Variants in FAM193A observed in about 807,000 individuals in gnomAD.
The protein encoded by FAM193A is family with sequence similarity 193 member A.
Under a neutral mutation model 126.5 loss-of-function variants are expected in FAM193A, and 22 were observed. The ratio of observed to expected loss-of-function variants is 0.17; its 90% CI spans 0.12 to 0.25. The LOEUF (loss-of-function observed/expected upper bound fraction) is 0.25. FAM193A is among the 10% of genes least tolerant of loss of function. The pLI, the probability that FAM193A is intolerant of heterozygous loss-of-function variation, is 1.00. For missense variants in FAM193A, 1,675 were observed against 1,672.8 expected, an observed-to-expected ratio of 1.00 and a Z score of -0.02; for synonymous variants, 761 against 646.8, an observed-to-expected ratio of 1.18 and a Z score of -2.68.
intron 4 of FAM193A, among the ~76,000 whole-genome samples, chr4:2,629,447 G>A (rs1402609798): frequency 6.6e-6 from 1 of 151,404 alleles, no homozygotes; most frequent in East Asian, 1.9e-4. Flanking sequence ...ACCATAATAG[G>A]AATCCCATCC....
At chr4:2,596,393 C>A in intron 2 of FAM193A, 64 bp downstream of exon 2, 1 of 669,606 alleles carries the variant, frequency 1.5e-6, no homozygotes, top group Non-Finnish European at 2.7e-6. Context: ...TATGGGGTAA[C>A]TGGCAGTGAA....
At chr4:2,690,664 T>A (rs377667642) in intron 14 of FAM193A, 34 bp from the exon 15 acceptor site, 5 of 1,584,260 alleles carry the variant, frequency 3.2e-6, no homozygotes, top group Non-Finnish European at 4.3e-6. Context: ...ATGATTGCTG[T>A]CAGAAGCCTT....
chr4:2,720,250 C>G (rs1719981794), intron 20 of FAM193A, among the ~76,000 whole-genome samples: 1 of 152,068 alleles, frequency 6.6e-6, no homozygotes. Context: ...AAAAGAGGAA[C>G]TAAAAATCAA....
intron 2 of FAM193A, among the ~76,000 whole-genome samples, chr4:2,621,299 G>C (rs900938766): frequency 6.6e-6 from 1 of 152,274 alleles, no homozygotes; most frequent in African/African-American, 2.4e-5. Context: ...GGCGAAGAAG[G>C]GTGGATTTGG....
rs1721287961 is a variant in FAM193A, at chr4:2,730,762, A to G, written c.4455-1013A>G. 2.0e-5 allele frequency among the ~76,000 whole-genome samples: 3 copies of G among 151,540 alleles called. No homozygotes were observed. In the South Asian group the frequency reaches 6.2e-4, roughly 32 times the overall value. ...ACAAAAATTAGCTGGGTGTTGTGGTATGCACCTGTAGTCCTAACTATTTGG... is the reference window on the plus strand; with the variant it reads ...ACAAAAATTAGCTGGGTGTTGTGGTGTGCACCTGTAGTCCTAACTATTTGG... On this transcript the variant is annotated intron_variant, in intron 20 of 20. Coordinates refer to ENST00000637812, the MANE Select transcript of FAM193A (RefSeq NM_001366318.2).
chr4:2,554,308 C>T (rs1381159469), intron 1 of FAM193A, among the ~76,000 whole-genome samples: 1 of 152,158 alleles, frequency 6.6e-6, no homozygotes, highest in East Asian at 1.9e-4. Flanking sequence ...TGGTCTTGAA[C>T]TCCTGACCTC....
At chr4:2,646,370 C>T (rs950754094) in intron 6 of FAM193A, among the ~76,000 whole-genome samples, 1 of 151,810 alleles carries the variant, frequency 6.6e-6, no homozygotes, top group Non-Finnish European at 1.5e-5. Flanking sequence ...TGGGGTTTCA[C>T]CATATTGGTC....
chr4:2,578,964 A>G (rs929867293), intron 1 of FAM193A, among the ~76,000 whole-genome samples: 4 of 151,824 alleles, frequency 2.6e-5, no homozygotes, highest in Admixed American at 2.0e-4. Flanking sequence ...GCAGGCACAC[A>G]GTGTAACTTT....
intron 13 of FAM193A, among the ~76,000 whole-genome samples, chr4:2,688,029 G>A (rs552979399): frequency 6.6e-6 from 1 of 152,314 alleles, no homozygotes; most frequent in African/African-American, 2.4e-5. Context: ...TGAGTTTAAA[G>A]AATTCACTAC....
chr4:2,673,483 A>G (rs951468908), intron 13 of FAM193A, among the ~76,000 whole-genome samples: 4 of 152,238 alleles, frequency 2.6e-5, no homozygotes, highest in African/African-American at 7.2e-5. Context: ...TGCCACATCT[A>G]TTGTAATTAC....
intron 20 of FAM193A, among the ~76,000 whole-genome samples, chr4:2,718,218 A>G (rs1350245794): frequency 6.6e-6 from 1 of 152,150 alleles, no homozygotes; most frequent in African/African-American, 2.4e-5. Flanking sequence ...TTGGTAGAGA[A>G]GATCAACAAA....
intron 10 of FAM193A, among the ~76,000 whole-genome samples, chr4:2,662,591 A>G (rs1462913919): frequency 1.3e-5 from 2 of 152,086 alleles, no homozygotes; most frequent in East Asian, 1.9e-4. Flanking sequence ...TAATATTTCT[A>G]CTTTTGGAGG....
chr4:2,652,701 A>G (rs1466334221), intron 7 of FAM193A, among the ~76,000 whole-genome samples: 1 of 152,170 alleles, frequency 6.6e-6, no homozygotes, highest in Non-Finnish European at 1.5e-5. Flanking sequence ...AACAATGGGG[A>G]TTACAGTTTG....
At chr4:2,710,619 C>T (rs564387965) in intron 19 of FAM193A, among the ~76,000 whole-genome samples, 2 of 151,848 alleles carry the variant, frequency 1.3e-5, no homozygotes, top group African/African-American at 4.8e-5. Flanking sequence ...CCTCCCCACT[C>T]ACCTTCTCAA....
At chr4:2,681,786 C>T (rs1003122278) in intron 13 of FAM193A, among the ~76,000 whole-genome samples, 2 of 151,976 alleles carry the variant, frequency 1.3e-5, no homozygotes, top group African/African-American at 4.8e-5. Flanking sequence ...TGATAGAGAT[C>T]TTTCTTGTTT....
chr4:2,572,502 G>A (rs935995964), intron 1 of FAM193A, among the ~76,000 whole-genome samples: 2 of 152,088 alleles, frequency 1.3e-5, no homozygotes, highest in Admixed American at 1.3e-4. Flanking sequence ...GACACTGTAT[G>A]TCCTCCTGAT....
At chr4:2,630,822 G>A in intron 4 of FAM193A, 113 bp from the exon 5 acceptor site, 1 of 621,258 alleles carries the variant, frequency 1.6e-6, no homozygotes, top group Non-Finnish European at 2.9e-6. Flanking sequence ...AGGTGACTGT[G>A]TGGTCATCTA....
At chr4:2,659,453 C>G (rs1712124050) in intron 8 of FAM193A, 105 bp from the exon 9 acceptor site, 2 of 774,210 alleles carry the variant, frequency 2.6e-6, no homozygotes, top group Non-Finnish European at 4.4e-6. Flanking sequence ...GCTGAGGAAG[C>G]AGTGCCCGTG....
chr4:2,666,266 G>A (rs1257493860), intron 12 of FAM193A, among the ~76,000 whole-genome samples: 2 of 152,132 alleles, frequency 1.3e-5, no homozygotes, highest in East Asian at 1.9e-4. Flanking sequence ...CATGTGTTGC[G>A]ATCTTGTGGT....
Sources: gnomAD v4.1 joint callset for allele counts (sites outside exome capture counted in the v4.1 genomes callset) on GRCh38, gnomAD v4.1.1 for gene constraint, MANE v1.5 for transcripts, NCBI Gene and HGNC (gene_info 2026-07-23, HGNC 2026-07-21) for gene names.